IPO11: variants seen among roughly 807,000 people sequenced by gnomAD.
IPO11 encodes the protein importin-11.
In IPO11, 66 loss-of-function variants were observed where a neutral mutation model predicts 143.2. The observed-to-expected ratio is 0.46, with a 90% CI of 0.38 to 0.57. The LOEUF (loss-of-function observed/expected upper bound fraction) is 0.57. IPO11 is among the 20% of genes least tolerant of loss of function. IPO11 has a pLI of 0.00. For synonymous variants in IPO11, 385 were observed against 377.8 expected (o/e 1.02, Z -0.22); for missense variants, 1,026 against 1,141.0 (o/e 0.90, Z 1.45).
At chr5:62,621,354 A>G (rs769894088) in intron 29 of IPO11, among the ~76,000 whole-genome samples, 1 of 152,202 alleles carries the variant, frequency 6.6e-6, no homozygotes, top group Non-Finnish European at 1.5e-5. Context: ...AAACTCAGCA[A>G]AGTGACAGGG....
At chr5:62,499,881 C>T (rs575379839) in intron 16 of IPO11, among the ~76,000 whole-genome samples, 2 of 152,094 alleles carry the variant, frequency 1.3e-5, no homozygotes, top group African/African-American at 2.4e-5. Context: ...CCTAGGCCTA[C>T]GCAGGGTTAG....
chr5:62,572,099 G>C (rs1240155854), intron 27 of IPO11, among the ~76,000 whole-genome samples: 1 of 152,150 alleles, frequency 6.6e-6, no homozygotes. Flanking sequence ...TGTCTTCTCT[G>C]CCAGGCTATT....
chr5:62,584,744 G>T (rs867694930), intron 27 of IPO11, among the ~76,000 whole-genome samples: 41 of 136,572 alleles, frequency 3.0e-4, no homozygotes, highest in African/African-American at 1.1e-3. Context: ...TTTGTTTTTT[G>T]TTTTTGTTTT....
intron 24 of IPO11, among the ~76,000 whole-genome samples, chr5:62,540,364 T>C (rs571445396): frequency 8.5e-4 from 129 of 152,356 alleles, no homozygotes; most frequent in African/African-American, 2.9e-3. Context: ...AATTGTAATA[T>C]ATGTATTCTA....
chr5:62,436,106 T>A (rs1456817782), intron 1 of IPO11, among the ~76,000 whole-genome samples: 3 of 152,206 alleles, frequency 2.0e-5, no homozygotes, highest in Non-Finnish European at 4.4e-5. Flanking sequence ...TTAGGCCCTT[T>A]TTAAGATGGT....
At chr5:62,500,732 A>G (rs1741319372) in intron 16 of IPO11, among the ~76,000 whole-genome samples, 1 of 152,120 alleles carries the variant, frequency 6.6e-6, no homozygotes, top group South Asian at 2.1e-4. Flanking sequence ...TTTGAGCCTC[A>G]AGCAATTCTC....
chr5:62,581,468 T>C, intron 27 of IPO11: 1 of 625,664 alleles, frequency 1.6e-6, no homozygotes, highest in East Asian at 3.1e-5. Context: ...TGTATTCATT[T>C]AGCAAATATT....
chr5:62,438,350 T>TAA (rs969373247), intron 2 of IPO11, among the ~76,000 whole-genome samples: 1 of 146,688 alleles, frequency 6.8e-6, no homozygotes, highest in Non-Finnish European at 1.5e-5. Context: ...AACAGAATCG[T>TAA]AAAAAAAAAA....
chr5:62,486,044 C>CG (rs1486802358), intron 12 of IPO11, among the ~76,000 whole-genome samples: 1 of 147,252 alleles, frequency 6.8e-6, no homozygotes, highest in Non-Finnish European at 1.5e-5. Flanking sequence ...TGCACTGGTG[C>CG]ATCTCGGCTC....
intron 28 of IPO11, among the ~76,000 whole-genome samples, chr5:62,599,551 C>T (rs900502770): frequency 6.6e-6 from 1 of 152,154 alleles, no homozygotes; most frequent in African/African-American, 2.4e-5. Flanking sequence ...TACCTTTAAA[C>T]CCAGAAATGA....
At chr5:62,607,334 T>C (rs754343222) in intron 29 of IPO11, among the ~76,000 whole-genome samples, 5 of 152,298 alleles carry the variant, frequency 3.3e-5, no homozygotes, top group Non-Finnish European at 7.4e-5. Flanking sequence ...ATTCCAAATA[T>C]AATGTCAACA....
At chr5:62,517,082 C>T (rs1223004684) in intron 20 of IPO11, among the ~76,000 whole-genome samples, 2 of 151,930 alleles carry the variant, frequency 1.3e-5, no homozygotes, top group Admixed American at 6.6e-5. Context: ...CCTGTAGTCC[C>T]AGCTGCTCAG....
chr5:62,502,662 T>C (rs967344485), intron 16 of IPO11, among the ~76,000 whole-genome samples: 14 of 152,232 alleles, frequency 9.2e-5, no homozygotes, highest in African/African-American at 3.4e-4. Context: ...TATTCAGGTG[T>C]CTTGTTTCAT....
At chr5:62,516,623 G>A (rs1413322368) in intron 20 of IPO11, among the ~76,000 whole-genome samples, 1 of 152,044 alleles carries the variant, frequency 6.6e-6, no homozygotes, top group Non-Finnish European at 1.5e-5. Flanking sequence ...ATGACTTTTA[G>A]TTACAGATTC....
rs1367732771 is a variant in IPO11, at chr5:62,564,741, G to A, written c.2582+3484G>A. ...GACATTGCCATTAGATATCCCTGGG[G>A]ACAAATTGCCCCCAGTTTAGAACCA... is the stretch of plus-strand genomic sequence containing the variant. On this transcript the variant is annotated intron_variant, in intron 27 of 29. Coordinates refer to ENST00000325324, the MANE Select transcript of IPO11 (RefSeq NM_016338.5). Among the ~76,000 whole-genome samples the A allele has an allele frequency of 2.0e-5, 3 of 152,068 alleles. No individual in the cohort carries two copies. The South Asian group carries it at 6.2e-4, about 32-fold the overall frequency.
At chr5:62,537,966 T>C (rs1446418293) in intron 24 of IPO11, among the ~76,000 whole-genome samples, 1 of 152,160 alleles carries the variant, frequency 6.6e-6, no homozygotes, top group African/African-American at 2.4e-5. Flanking sequence ...AGCACATGTA[T>C]ACATACGTAA....
At chr5:62,613,878 A>G (rs1746022580) in intron 29 of IPO11, among the ~76,000 whole-genome samples, 1 of 152,106 alleles carries the variant, frequency 6.6e-6, no homozygotes, top group African/African-American at 2.4e-5. Context: ...AAACTCATGA[A>G]TCAGTGACCC....
intron 13 of IPO11, 86 bp downstream of exon 13, chr5:62,487,947 A>T: frequency 6.4e-6 from 7 of 1,097,030 alleles, no homozygotes; most frequent in Non-Finnish European, 5.3e-6. Context: ...TGCATACTGT[A>T]CTGTTTCCTG....
chr5:62,618,374 TC>T (rs1283968604), intron 29 of IPO11, among the ~76,000 whole-genome samples: 1 of 151,982 alleles, frequency 6.6e-6, no homozygotes, highest in Non-Finnish European at 1.5e-5. Flanking sequence ...ATAAATGAAC[TC>T]TACTTATGTC....
Sources: gnomAD v4.1 joint callset for allele counts (sites outside exome capture counted in the v4.1 genomes callset) on GRCh38, gnomAD v4.1.1 for gene constraint, MANE v1.5 for transcripts, NCBI Gene and HGNC (gene_info 2026-07-23, HGNC 2026-07-21) for gene names.